A4GALT: variants seen among roughly 807,000 people sequenced by gnomAD.
A4GALT encodes alpha 1,4-galactosyltransferase (P1PK blood group), also known as lactosylceramide 4-alpha-galactosyltransferase.
For synonymous variants in A4GALT, 257 were observed against 220.7 expected (o/e 1.16, Z -1.46); for missense variants, 512 against 486.0 (o/e 1.05, Z -0.50).
intron 1 of A4GALT, among the ~76,000 whole-genome samples, chr22:42,709,067 A>ATATATATATTTTTT (rs1180529043): frequency 0.033 from 4,198 of 128,260 alleles, 110 homozygotes; most frequent in South Asian, 0.049. Flanking sequence ...ATATATATAT[A>ATATATATATTTTTT]TTTTTTTTAA....
At chr22:42,709,780 ACT>A (rs1369414526) in intron 1 of A4GALT, among the ~76,000 whole-genome samples, 6 of 152,020 alleles carry the variant, frequency 3.9e-5, no homozygotes, top group Non-Finnish European at 8.8e-5. Flanking sequence ...GCACAGTGAG[ACT>A]CTGTCTCAAA....
intron 1 of A4GALT, among the ~76,000 whole-genome samples, chr22:42,699,552 G>A (rs1214782339): frequency 6.6e-6 from 1 of 152,124 alleles, no homozygotes; most frequent in Non-Finnish European, 1.5e-5. Flanking sequence ...GCTGACTGAG[G>A]ACTTGGAGAG....
At position 42,693,435 on chromosome 22, in the gene A4GALT, C is replaced by T. The variant is rs750737826; in HGVS notation, c.517G>A (p.Val173Met). ...GCGATCCTGGAGGCGTCGGAGAGCACGGGCAGCAGGTAGGGCTCCCAGCGC... is the reference window on the plus strand; with the variant it reads ...GCGATCCTGGAGGCGTCGGAGAGCATGGGCAGCAGGTAGGGCTCCCAGCGC... ...QGRWEPYLLP[V>M]LSDASRIALM... The change falls in exon 3 of 3, where the codon GTG becomes ATG. Residue 173 changes from valine to methionine, a missense_variant. Physicochemically the swap from Val to Met is conservative, Grantham distance 21. Coordinates refer to ENST00000642412, the MANE Select transcript of A4GALT (RefSeq NM_017436.7). 21 of 1,613,150 alleles carry T rather than the reference C, an allele frequency of 1.3e-5. No homozygotes were observed. Among genetic ancestry groups the T allele is most frequent in the South Asian group, 4.4e-5 (4 of 91,086 alleles).
At chr22:42,710,930 C>T (rs1421952404) in intron 1 of A4GALT, among the ~76,000 whole-genome samples, 4 of 151,524 alleles carry the variant, frequency 2.6e-5, no homozygotes, top group South Asian at 2.1e-4. Flanking sequence ...GAGGCTGAGG[C>T]GAGAGAATTG....
rs557188954 is a variant in A4GALT, at chr22:42,703,957, C to T, written c.-187-8326G>A. Among the ~76,000 whole-genome samples, 318 of 152,270 alleles carry T rather than the reference C, an allele frequency of 2.1e-3. 5 individuals are homozygous for T. Among genetic ancestry groups the T allele is most frequent in the Middle Eastern group, 0.01 (3 of 294 alleles). ...ACCTTGGACCCACCTCTGCCCCTCC[C>T]TGGGCCTTCACTGCTTTGTCCATCA... On this transcript the variant is annotated intron_variant, in intron 1 of 2. Transcript: ENST00000642412.
At chr22:42,703,070 T>G (rs1450531756) in intron 1 of A4GALT, among the ~76,000 whole-genome samples, 6 of 148,220 alleles carry the variant, frequency 4.0e-5, no homozygotes, top group Admixed American at 2.7e-4. Flanking sequence ...TGTGTGTGTG[T>G]GTGTGTGTGT....
At position 42,694,009 on chromosome 22, in the gene A4GALT, G is replaced by GGCGGGTGCTC; in HGVS notation, c.-46-13_-46-12insGAGCACCCGC. The GGCGGGTGCTC allele has an allele frequency of 1.4e-6, 2 of 1,455,654 alleles. No individual in the cohort carries two copies. The highest frequency in any genetic ancestry group is 9.4e-7 in the Non-Finnish European group (1 of 1,069,128). The allele number at this position is 1,455,654 out of a possible 1,614,324, so 90.2% of individuals were successfully genotyped here. A position where few individuals can be genotyped will look rare whatever the true frequency, so the allele number is the denominator to read the frequency against. On this transcript the variant is annotated splice_polypyrimidine_tract_variant and intron_variant, in intron 2 of 2. Transcript: ENST00000642412. ...AGGAACCGGCTGGTCTGCAAGAGAT[G>GGCGGGTGCTC]AGCACCCGCCATCAGGGAGGCCGTT...
intron 1 of A4GALT, among the ~76,000 whole-genome samples, chr22:42,712,674 C>T (rs777681883): frequency 4.1e-4 from 62 of 152,026 alleles, no homozygotes; most frequent in Non-Finnish European, 8.4e-4. Context: ...TTTGAGAGGC[C>T]GAGGTGAGTG....
intron 1 of A4GALT, among the ~76,000 whole-genome samples, chr22:42,702,770 A>G (rs1920931432): frequency 7.0e-6 from 1 of 143,076 alleles, no homozygotes; most frequent in Non-Finnish European, 1.5e-5. Flanking sequence ...TCGTGCAGAT[A>G]AGGTGGAACG....
chr22:42,693,936 CG>C lies in A4GALT; in HGVS notation c.15del (p.Asp6ThrfsTer32). The C allele has an allele frequency of 6.3e-7, 1 of 1,590,780 alleles. No homozygotes were observed. Among genetic ancestry groups the C allele is most frequent in the Non-Finnish European group, 8.6e-7 (1 of 1,169,018 alleles). MSKP[P>X]DLLLRLLRGA... ...CCCCGGAGCAGCCGCAGCAGGAGGT[CG>C]GGGGGCTTGGACATGGTATCCCCAG... On this transcript the variant is annotated frameshift_variant, in exon 3 of 3. Coordinates refer to ENST00000642412, the MANE Select transcript of A4GALT (RefSeq NM_017436.7). LOFTEE classifies it low-confidence loss of function (END_TRUNC).
At position 42,695,492 on chromosome 22, in the gene A4GALT, A is replaced by C. The variant is rs1930859838; in HGVS notation, c.-48T>G. 1 of 152,178 alleles carries C rather than the reference A, an allele frequency of 6.6e-6. No individual in the cohort carries two copies. The highest frequency in any genetic ancestry group is 1.9e-4 in the East Asian group (1 of 5,184). The allele number at this position is 152,178 out of a possible 1,614,324, so 9.4% of individuals were successfully genotyped here. A position where few individuals can be genotyped will look rare whatever the true frequency, so the allele number is the denominator to read the frequency against. ...TGATGTCACTGGCTGGTAACTGACCAGCCTGGGCAGCCCATTGCAGAGAGG... is the reference window on the plus strand; with the variant it reads ...TGATGTCACTGGCTGGTAACTGACCCGCCTGGGCAGCCCATTGCAGAGAGG... On this transcript the variant is annotated splice_region_variant and 5_prime_UTR_variant, in exon 2 of 3. An upstream open reading frame in the 5' UTR loses its in-frame stop. Transcript: ENST00000642412.
At chr22:42,708,711 G>T (rs1210988055) in intron 1 of A4GALT, among the ~76,000 whole-genome samples, 1 of 152,124 alleles carries the variant, frequency 6.6e-6, no homozygotes, top group Non-Finnish European at 1.5e-5. Context: ...AGATAGGAGG[G>T]TGGGGAGAAA....
chr22:42,717,516 G>A (rs1444545778), intron 1 of A4GALT, among the ~76,000 whole-genome samples: 1 of 152,106 alleles, frequency 6.6e-6, no homozygotes, highest in African/African-American at 2.4e-5. Context: ...GTCCTCACCA[G>A]CCCGGGAGGA....
chr22:42,693,048 CG>C lies in A4GALT; in HGVS notation c.903del (p.Glu302ArgfsTer48). Reference sequence around the variant, plus strand: ...GCACTGAGCAGCCGCGGCAGCTCCTCGGGGTTGATGTCCTCAAAGTACTTCT... The same window carrying C: ...GCACTGAGCAGCCGCGGCAGCTCCTCGGGTTGATGTCCTCAAAGTACTTCT... The part of the protein sequence containing the change: ...DWKKYFEDIN[P>X]EELPRLLSAT... On this transcript the variant is annotated frameshift_variant, in exon 3 of 3. Transcript: ENST00000642412. LOFTEE classifies it high-confidence loss of function. 6.2e-7 allele frequency: 1 copy of C among 1,612,658 alleles called. No individual in the cohort carries two copies. Among genetic ancestry groups the C allele is most frequent in the Non-Finnish European group, 8.5e-7 (1 of 1,179,062 alleles).
Position 42,693,753 on chromosome 22 carries a change from G to A in A4GALT, c.199C>T (p.Pro67Ser). 1 of 1,607,676 alleles carries A rather than the reference G, an allele frequency of 6.2e-7. No homozygotes were observed. The highest frequency in any genetic ancestry group is 8.5e-7 in the Non-Finnish European group (1 of 1,177,136). Residue 67 changes from proline (P) to serine (S), a missense_variant, in exon 3 of 3, where the codon CCC (proline) becomes TCC (serine). Physicochemically the swap from Pro to Ser is moderately conservative, Grantham distance 74 (BLOSUM62 -1). Coordinates refer to ENST00000642412, the MANE Select transcript of A4GALT (RefSeq NM_017436.7). The part of the protein sequence containing the change: ...AEIPCPTLTP[P>S]TPPSHGPTPG... Reference sequence around the variant, plus strand: ...GTGGGGCCGTGGGAGGGTGGGGTGGGGGGTGTCAAGGTGGGGCAGGGGATC... The same window carrying A: ...GTGGGGCCGTGGGAGGGTGGGGTGGAGGGTGTCAAGGTGGGGCAGGGGATC...
chr22:42,693,214 C>T lies in A4GALT; in HGVS notation c.738G>A (p.Trp246Ter). 1 of 1,605,912 alleles carries T rather than the reference C, an allele frequency of 6.2e-7. No homozygotes were observed. The highest frequency in any genetic ancestry group is 8.5e-7 in the Non-Finnish European group (1 of 1,177,082). ...DFVDHYNGWI[W>*]GHQGPQLLTR... is the part of the protein sequence containing the mutation. ...TGAGCAGCTGCGGGCCCTGGTGACC[C>T]CAGATCCAGCCGTTGTAGTGGTCCA... is the stretch of plus-strand genomic sequence containing the variant. The change falls in exon 3 of 3, where the codon TGG (tryptophan) becomes TGA (stop). Residue 246 changes from tryptophan to a stop codon, truncating the protein, a stop_gained. Coordinates refer to ENST00000642412, the MANE Select transcript of A4GALT (RefSeq NM_017436.7). LOFTEE classifies it low-confidence loss of function (END_TRUNC).
rs745485742 is a variant in A4GALT at position 42,693,141 on chromosome 22, G to A, written c.811C>T (p.Arg271Cys). 3 of 1,603,070 alleles carry A rather than the reference G, an allele frequency of 1.9e-6. No homozygotes were observed. Among genetic ancestry groups the A allele is most frequent in the East Asian group, 2.3e-5 (1 of 44,282 alleles). ...WCSIRSLAESRACRGVTTLPP... is the reference protein window; with the variant it reads ...WCSIRSLAESCACRGVTTLPP... Reference sequence around the variant, plus strand: ...AGGGTGGTGACGCCGCGGCAGGCGCGGCTCTCGGCCAGGCTGCGGATGGAA... The same window carrying A: ...AGGGTGGTGACGCCGCGGCAGGCGCAGCTCTCGGCCAGGCTGCGGATGGAA... Residue 271 changes from arginine (R) to cysteine (C), a missense_variant, in exon 3 of 3, where the codon CGC (arginine) becomes TGC (cysteine). Arg to Cys is a radical substitution (Grantham distance 180). Coordinates refer to ENST00000642412, the MANE Select transcript of A4GALT (RefSeq NM_017436.7).
intron 1 of A4GALT, among the ~76,000 whole-genome samples, chr22:42,703,380 C>T (rs1048291225): frequency 2.4e-4 from 36 of 151,640 alleles, no homozygotes; most frequent in Non-Finnish European, 4.3e-4. Flanking sequence ...CTCAGCCTCC[C>T]GAGTAGCTGG....
At chr22:42,710,797 G>A (rs1187451539) in intron 1 of A4GALT, among the ~76,000 whole-genome samples, 2 of 152,092 alleles carry the variant, frequency 1.3e-5, no homozygotes, top group Admixed American at 6.6e-5. Context: ...CAAGGCTGGT[G>A]AATGGCTTGA....
Sources: allele counts gnomAD v4.1 joint callset (sites outside exome capture counted in the v4.1 genomes callset), GRCh38; gene constraint gnomAD v4.1.1; transcripts MANE v1.5; gene names NCBI Gene and HGNC (gene_info 2026-07-23, HGNC 2026-07-21).